ZNF106: variants seen among roughly 807,000 people sequenced by gnomAD.
ZNF106 encodes the protein zinc finger protein 106.
ZNF106 carries 67 observed loss-of-function variants against 195.1 expected under a neutral mutation model. That is an observed-to-expected ratio of 0.34 (90% CI 0.28 to 0.42). The LOEUF is 0.42. Among genes scored for constraint, ZNF106 ranks in the 10% least tolerant of loss-of-function variants. The pLI is 1.00. For missense variants in ZNF106, 2,118 were observed against 2,304.5 expected (o/e 0.92, Z 1.66); for synonymous variants, 784 against 818.6 (o/e 0.96, Z 0.72).
chr15:42,448,051 A>G (rs1167837195), intron 6 of ZNF106, 21 bp downstream of exon 6: 2 of 1,576,024 alleles, frequency 1.3e-6, no homozygotes, highest in Non-Finnish European at 1.7e-6. Flanking sequence ...TTCTACAAAA[A>G]GCAGAGGGAA....
At chr15:42,480,969 G>T (rs1456534729) in intron 1 of ZNF106, among the ~76,000 whole-genome samples, 1 of 151,990 alleles carries the variant, frequency 6.6e-6, no homozygotes, top group Admixed American at 6.6e-5. Context: ...TGAATGACAA[G>T]AATGAAACTC....
At position 42,417,232 on chromosome 15, in the gene ZNF106, G is replaced by T; in HGVS notation, c.*72C>A. 6.6e-7 allele frequency: 1 copy of T among 1,517,808 alleles called. No homozygotes were observed. Among genetic ancestry groups the T allele is most frequent in the Non-Finnish European group, 9.1e-7 (1 of 1,094,764 alleles). 94.0% of individuals were successfully genotyped at this position (1,517,808 alleles called of 1,614,324 possible). ...CCTTACTTCACCAAGAAAGGGAAGA[G>T]AGTGGCCTGTGTGGGGGGCCAATGT... On this transcript the variant is annotated 3_prime_UTR_variant, in exon 22 of 22. Transcript: ENST00000564754.
At chr15:42,446,004 C>G (rs891786485) in intron 7 of ZNF106, among the ~76,000 whole-genome samples, 4 of 152,146 alleles carry the variant, frequency 2.6e-5, no homozygotes, top group African/African-American at 9.7e-5. Flanking sequence ...AGAGAAATGG[C>G]TATACATGAC....
intron 1 of ZNF106, among the ~76,000 whole-genome samples, chr15:42,482,222 T>C (rs893843666): frequency 5.9e-5 from 9 of 152,202 alleles, no homozygotes; most frequent in Non-Finnish European, 1.3e-4. Flanking sequence ...TTTCCTTTAC[T>C]AATGCATAGT....
chr15:42,423,355 G>A (rs1214098721), intron 17 of ZNF106, among the ~76,000 whole-genome samples: 1 of 150,932 alleles, frequency 6.6e-6, no homozygotes, highest in Non-Finnish European at 1.5e-5. Context: ...GGGGGACAAA[G>A]TGAGACCCCT....
At chr15:42,423,049 T>A (rs1346540414) in intron 17 of ZNF106, among the ~76,000 whole-genome samples, 1 of 151,978 alleles carries the variant, frequency 6.6e-6, no homozygotes, top group Non-Finnish European at 1.5e-5. Flanking sequence ...TCTCAGCTGT[T>A]TCTGTTGTTC....
At position 42,439,202 on chromosome 15, in the gene ZNF106, C is replaced by A. The variant is rs878911136; in HGVS notation, c.4375G>T (p.Val1459Leu). 6.2e-7 allele frequency: 1 copy of A among 1,614,130 alleles called. No individual in the cohort carries two copies. Among genetic ancestry groups the A allele is most frequent in the South Asian group, 1.1e-5 (1 of 91,080 alleles). ...CCTGATTCTGAAGAATCAATGGCTA[C>A]TACTTCTAACTGAGGATTAGGAATT... The part of the protein sequence containing the change: ...LEIPNPQLEV[V>L]AIDSSESGEE... The change falls in exon 11 of 22, where the codon GTA becomes TTA. Residue 1459 changes from valine (V) to leucine (L), a missense_variant. Coordinates refer to ENST00000564754, the MANE Select transcript of ZNF106 (RefSeq NM_001366845.3).
Position 42,450,485 on chromosome 15 carries a change from T to C in ZNF106, c.1787A>G (p.Glu596Gly). Residue 596 changes from glutamate (E) to glycine (G), a missense_variant, in exon 5 of 22, where the codon GAA becomes GGA. Transcript: ENST00000564754. ...AAACTCAATTTTCAAAGACCCTTTTTCAGATTCTTCTACATTTCTACTTGC... is the reference window on the plus strand; with the variant it reads ...AAACTCAATTTTCAAAGACCCTTTTCCAGATTCTTCTACATTTCTACTTGC... ...AKASRNVEES[E>G]KGSLKIEFQV... 6.2e-7 allele frequency: 1 copy of C among 1,614,052 alleles called. No homozygotes were observed. Among genetic ancestry groups the C allele is most frequent in the Non-Finnish European group, 8.5e-7 (1 of 1,180,002 alleles).
intron 14 of ZNF106, among the ~76,000 whole-genome samples, chr15:42,433,166 C>T (rs1259778340): frequency 3.3e-5 from 5 of 151,506 alleles, no homozygotes; most frequent in Non-Finnish European, 7.4e-5. Flanking sequence ...AGTGCAGTGG[C>T]GCAATCTCGG....
chr15:42,458,731 AC>A (rs2056310416), intron 3 of ZNF106, among the ~76,000 whole-genome samples: 1 of 151,506 alleles, frequency 6.6e-6, no homozygotes, highest in Non-Finnish European at 1.5e-5. Flanking sequence ...AAAAAAAAAA[AC>A]AACACCTTAC....
intron 1 of ZNF106, among the ~76,000 whole-genome samples, chr15:42,475,770 T>C (rs887909650): frequency 3.3e-5 from 5 of 152,194 alleles, no homozygotes; most frequent in African/African-American, 4.8e-5. Flanking sequence ...GTTGGAGAAA[T>C]TGGTAAAGAT....
intron 5 of ZNF106, among the ~76,000 whole-genome samples, chr15:42,448,922 T>C (rs749968193): frequency 5.3e-5 from 8 of 152,068 alleles, no homozygotes; most frequent in Admixed American, 1.3e-4. Context: ...TATAATAATA[T>C]ATTTGAGGGA....
At chr15:42,420,837 G>A (rs768447887) in intron 20 of ZNF106, among the ~76,000 whole-genome samples, 9 of 152,062 alleles carry the variant, frequency 5.9e-5, no homozygotes, top group Non-Finnish European at 1.2e-4. Context: ...AAGCACTTCC[G>A]CTTTTTATTT....
chr15:42,451,881 G>T lies in ZNF106; in HGVS notation c.391C>A (p.Arg131=), dbSNP rs1335214040. 3 of 1,614,050 alleles carry T rather than the reference G, an allele frequency of 1.9e-6. No homozygotes were observed. In the Admixed American group the frequency reaches 5.0e-5, roughly 27 times the overall value. The change falls in exon 5 of 22, where the codon CGA becomes AGA. Residue 131 remains arginine (R), a synonymous_variant. Coordinates refer to ENST00000564754, the MANE Select transcript of ZNF106 (RefSeq NM_001366845.3). ...DRRPQWRRED[R]IPYQDRESYS... ...CTCTCTCTGTCTTGGTAAGGAATTCGGTCTTCTCGTCTCCATTGGGGTCGT... is the reference window on the plus strand; with the variant it reads ...CTCTCTCTGTCTTGGTAAGGAATTCTGTCTTCTCGTCTCCATTGGGGTCGT...
rs2056683776 is a variant in ZNF106 at position 42,472,116 on chromosome 15, A to G, written c.54+120T>C. ...AGGAAAGAAAAGAAGCATAAATAAG[A>G]CATTGTCAAAGCTTTTCCTATTAAT... On this transcript the variant is annotated intron_variant, in intron 2 of 21. Coordinates refer to ENST00000564754, the MANE Select transcript of ZNF106 (RefSeq NM_001366845.3). 6.2e-6 allele frequency: 6 copies of G among 963,652 alleles called. No individual in the cohort carries two copies. In the East Asian group the frequency reaches 1.4e-4, roughly 23 times the overall value. 59.7% of individuals were successfully genotyped at this position (963,652 alleles called of 1,614,324 possible). A position where few individuals can be genotyped will look rare whatever the true frequency, so the allele number is the denominator to read the frequency against.
At chr15:42,449,610 T>A (rs528717323) in intron 5 of ZNF106, among the ~76,000 whole-genome samples, 161 bp downstream of exon 5, 1 of 152,192 alleles carries the variant, frequency 6.6e-6, no homozygotes, top group Admixed American at 6.5e-5. Context: ...CCATCTGTCA[T>A]AGAGTATCAG....
chr15:42,474,641 C>T (rs2056749101), intron 1 of ZNF106, among the ~76,000 whole-genome samples: 1 of 152,046 alleles, frequency 6.6e-6, no homozygotes, highest in South Asian at 2.1e-4. Flanking sequence ...ATCCCAGCTA[C>T]TTGGGAGGCA....
intron 2 of ZNF106, among the ~76,000 whole-genome samples, chr15:42,468,313 G>A (rs1322062580): frequency 6.6e-6 from 1 of 150,846 alleles, no homozygotes; most frequent in Non-Finnish European, 1.5e-5. Context: ...CCTGACCTCA[G>A]GTGATCCACC....
At chr15:42,426,544 C>T (rs1372350893) in intron 15 of ZNF106, among the ~76,000 whole-genome samples, 1 of 147,772 alleles carries the variant, frequency 6.8e-6, no homozygotes, top group Non-Finnish European at 1.5e-5. Flanking sequence ...GGACTCCAGG[C>T]GTGTGCTACC....
Sources: allele counts gnomAD v4.1 joint callset (sites outside exome capture counted in the v4.1 genomes callset), GRCh38; gene constraint gnomAD v4.1.1; transcripts MANE v1.5; gene names NCBI Gene and HGNC (gene_info 2026-07-23, HGNC 2026-07-21).